Variants in ASTN2 observed in about 807,000 individuals in gnomAD.
ASTN2 encodes astrotactin-2.
ASTN2 carries 54 observed loss-of-function variants against 139.8 expected under a neutral mutation model. That is an observed-to-expected ratio of 0.39 (90% CI 0.31 to 0.48). ASTN2 has a LOEUF of 0.48. Ranked by LOEUF, ASTN2 falls within the 20% of genes least tolerant of loss-of-function variation. The pLI is 0.95. For missense variants in ASTN2, 1,565 were observed against 1,725.1 expected (o/e 0.91, Z 1.64); for synonymous variants, 756 against 719.5 (o/e 1.05, Z -0.81).
intron 5 of ASTN2, among the ~76,000 whole-genome samples, chr9:117,050,516 T>C (rs936733483): frequency 6.6e-6 from 1 of 152,108 alleles, no homozygotes; most frequent in Non-Finnish European, 1.5e-5. Flanking sequence ...CAGAACTTCC[T>C]TTATCCCAAA....
intron 3 of ASTN2, among the ~76,000 whole-genome samples, chr9:117,204,872 C>T (rs1317972949): frequency 6.6e-6 from 1 of 151,756 alleles, no homozygotes; most frequent in Non-Finnish European, 1.5e-5. Flanking sequence ...TGTTTTCTGC[C>T]TTATCTAAGT....
chr9:117,260,504 A>G (rs1833796750), intron 2 of ASTN2, among the ~76,000 whole-genome samples: 1 of 152,156 alleles, frequency 6.6e-6, no homozygotes, highest in Non-Finnish European at 1.5e-5. Flanking sequence ...AAATCCCCTA[A>G]AACTTATCAA....
At chr9:116,910,847 T>C (rs1400292299) in intron 10 of ASTN2, among the ~76,000 whole-genome samples, 2 of 152,118 alleles carry the variant, frequency 1.3e-5, no homozygotes, top group Non-Finnish European at 2.9e-5. Flanking sequence ...AGGGATGAAA[T>C]AGTCATTCTG....
At chr9:117,201,208 G>A (rs1831705809) in intron 3 of ASTN2, among the ~76,000 whole-genome samples, 3 of 151,934 alleles carry the variant, frequency 2.0e-5, no homozygotes, top group Non-Finnish European at 2.9e-5. Context: ...TTTATATGGG[G>A]TCAGTGGTGA....
rs552694386 is a variant in ASTN2, at chr9:116,730,516, T to G, written c.2522-1420A>C. ...TTATCTGCTCTGCCTCTCCTGGCCTTCCTTTGCAGAGGCTAGGGAGAAAAG... is the reference window on the plus strand; with the variant it reads ...TTATCTGCTCTGCCTCTCCTGGCCTGCCTTTGCAGAGGCTAGGGAGAAAAG... On this transcript the variant is annotated intron_variant, in intron 14 of 22. Transcript: ENST00000313400. Among the ~76,000 whole-genome samples, 96 of 152,342 alleles carry G rather than the reference T, an allele frequency of 6.3e-4. 2 individuals are homozygous for G. The highest frequency in any genetic ancestry group is 3.9e-4 in the Admixed American group (6 of 15,302).
At chr9:117,193,788 C>A (rs533596853) in intron 3 of ASTN2, among the ~76,000 whole-genome samples, 3 of 152,320 alleles carry the variant, frequency 2.0e-5, no homozygotes, top group Non-Finnish European at 4.4e-5. Flanking sequence ...CCCATTCTAT[C>A]TTCCCCTTGC....
intron 5 of ASTN2, among the ~76,000 whole-genome samples, chr9:117,049,211 G>T (rs931816291): frequency 6.6e-6 from 1 of 151,950 alleles, no homozygotes; most frequent in African/African-American, 2.4e-5. Context: ...GTATCCAAAT[G>T]CCTCAAAGAG....
intron 13 of ASTN2, among the ~76,000 whole-genome samples, chr9:116,767,236 C>G (rs560240389): frequency 1.3e-5 from 2 of 152,144 alleles, no homozygotes; most frequent in Non-Finnish European, 2.9e-5. Context: ...GGAACCCGCC[C>G]CTTCCCTGCC....
intron 7 of ASTN2, among the ~76,000 whole-genome samples, chr9:116,985,954 T>G (rs1451516156): frequency 6.6e-6 from 1 of 152,298 alleles, no homozygotes; most frequent in Non-Finnish European, 1.5e-5. Context: ...GAATCCTCTG[T>G]GGCCTGCATC....
At chr9:116,553,234 CA>C (rs1284495673) in intron 19 of ASTN2, among the ~76,000 whole-genome samples, 2 of 152,064 alleles carry the variant, frequency 1.3e-5, no homozygotes, top group East Asian at 3.9e-4. Flanking sequence ...GACTCTAAAA[CA>C]AGAATGGTCG....
At chr9:116,952,783 G>A (rs1835602316) in intron 10 of ASTN2, among the ~76,000 whole-genome samples, 1 of 152,162 alleles carries the variant, frequency 6.6e-6, no homozygotes, top group African/African-American at 2.4e-5. Context: ...AATCGCCGTT[G>A]GAGCTGCCTC....
rs73655470 is a variant in ASTN2, at chr9:116,688,506, T to C, written c.2807-36713A>G. Among the ~76,000 whole-genome samples, 49 of 152,240 alleles carry C rather than the reference T, an allele frequency of 3.2e-4. 1 individual carries two copies. The highest frequency in any genetic ancestry group is 1.2e-3 in the African/African-American group (48 of 41,530). On this transcript the variant is annotated intron_variant, in intron 16 of 22. Coordinates refer to ENST00000313400, the MANE Select transcript of ASTN2 (RefSeq NM_001365068.1). ...AGGTGCTGAGGAACAAAGTGATAAA[T>C]CTTCAGTTCAGATAATCCTGAAGGA...
intron 5 of ASTN2, among the ~76,000 whole-genome samples, chr9:117,046,026 A>ATGTATGTATGTG (rs1554772775): frequency 6.8e-5 from 10 of 146,398 alleles, no homozygotes; most frequent in South Asian, 6.6e-4. Context: ...GTATGTATGT[A>ATGTATGTATGTG]GTCTCACTCT....
Position 116,948,785 on chromosome 9 carries a change from G to GTTTTTTTTTTTTGTTTTTTT in ASTN2, c.1889+26422_1889+26423insAAAAAAACAAAAAAAAAAAA, listed in dbSNP as rs1835471789. Reference sequence around the variant, plus strand: ...AGAGAGAGGAGAGAAATAATTTGGTGTTTTTTTTTTTTTTTTTTTTTTTTT... The same window carrying GTTTTTTTTTTTTGTTTTTTT: ...AGAGAGAGGAGAGAAATAATTTGGTGTTTTTTTTTTTTGTTTTTTTTTTTTTTTTTTTTTTTTTTTTTTTT... On this transcript the variant is annotated intron_variant, in intron 10 of 22. Coordinates refer to ENST00000313400, the MANE Select transcript of ASTN2 (RefSeq NM_001365068.1). Among the ~76,000 whole-genome samples the GTTTTTTTTTTTTGTTTTTTT allele has an allele frequency of 1.4e-3, 71 of 49,472 alleles. 6 individuals are homozygous for GTTTTTTTTTTTTGTTTTTTT. The highest frequency in any genetic ancestry group is 1.6e-3 in the African/African-American group (18 of 11,588). The allele number at this position is 49,472 out of a possible 152,430, so 32.5% of individuals were successfully genotyped here.
chr9:117,111,090 GC>G (rs1829237626), intron 4 of ASTN2, among the ~76,000 whole-genome samples: 2 of 152,136 alleles, frequency 1.3e-5, no homozygotes, highest in South Asian at 4.1e-4. Flanking sequence ...CAAATTAACT[GC>G]CTTCAAAAAC....
chr9:117,181,139 T>C, intron 3 of ASTN2: 1 of 791,492 alleles, frequency 1.3e-6, no homozygotes, highest in South Asian at 1.4e-5. Context: ...AGCTGCTGTT[T>C]GCAGCCATTG....
chr9:117,212,236 C>A (rs1255512819), intron 3 of ASTN2, among the ~76,000 whole-genome samples: 1 of 152,092 alleles, frequency 6.6e-6, no homozygotes, highest in Non-Finnish European at 1.5e-5. Flanking sequence ...TAGACCCCCA[C>A]TTTTACCCAA....
intron 10 of ASTN2, among the ~76,000 whole-genome samples, chr9:116,952,565 C>G (rs1835592600): frequency 6.6e-6 from 1 of 152,150 alleles, no homozygotes. Flanking sequence ...GCTGTGAGGC[C>G]TCAGGCTTTT....
chr9:116,981,355 C>T (rs909181781), intron 7 of ASTN2, among the ~76,000 whole-genome samples: 2 of 152,206 alleles, frequency 1.3e-5, no homozygotes, highest in South Asian at 2.1e-4. Flanking sequence ...GATGACTCTG[C>T]TGAGGACTGG....
Sources: allele counts gnomAD v4.1 joint callset (sites outside exome capture counted in the v4.1 genomes callset), GRCh38; gene constraint gnomAD v4.1.1; transcripts MANE v1.5; gene names NCBI Gene and HGNC (gene_info 2026-07-23, HGNC 2026-07-21).